B4GALT4: variants seen among roughly 807,000 people sequenced by gnomAD.
B4GALT4 encodes beta-1,4-galactosyltransferase 4.
B4GALT4 carries 27 observed loss-of-function variants against 37.3 expected under a neutral mutation model. The observed-to-expected ratio is 0.72, with a 90% CI of 0.53 to 1.00. The LOEUF is 1.00. B4GALT4 is among the 50% of genes least tolerant of loss of function. The pLI is 0.00. For missense variants in B4GALT4, 372 were observed against 413.1 expected (o/e 0.90, Z 0.86); for synonymous variants, 148 against 154.1 (o/e 0.96, Z 0.29).
rs12493956 is a variant in B4GALT4 at position 119,211,980 on chromosome 3, G to T, written c.*569C>A. The T allele has an allele frequency of 1.8e-6, 1 of 570,076 alleles. No individual in the cohort carries two copies. Among genetic ancestry groups the T allele is most frequent in the African/African-American group, 1.9e-5 (1 of 53,666 alleles). The allele number at this position is 570,076 out of a possible 1,614,324, so 35.3% of individuals were successfully genotyped here. A position where few individuals can be genotyped will look rare whatever the true frequency, so the allele number is the denominator to read the frequency against. On this transcript the variant is annotated 3_prime_UTR_variant, in exon 8 of 8. Transcript: ENST00000393765. ...CTCAGCTACTGCTGCCTTTGCAGCC[G>T]ACACTCCACCCTCCTGCTACCTCTT...
At position 119,212,480 on chromosome 3, in the gene B4GALT4, G is replaced by A; in HGVS notation, c.*69C>T. On this transcript the variant is annotated 3_prime_UTR_variant, in exon 8 of 8. Transcript: ENST00000393765. ...AGGTTCTTAATGTGTGCTACTATTT[G>A]AAGTCTCTAGGCCAAAATTATTGCA... 6.8e-7 allele frequency: 1 copy of A among 1,479,886 alleles called. No individual in the cohort carries two copies. Among genetic ancestry groups the A allele is most frequent in the Non-Finnish European group, 9.1e-7 (1 of 1,100,060 alleles). The allele number at this position is 1,479,886 out of a possible 1,614,324, so 91.7% of individuals were successfully genotyped here. A position where few individuals can be genotyped will look rare whatever the true frequency, so the allele number is the denominator to read the frequency against.
At chr3:119,224,334 A>T (rs1017086646) in intron 4 of B4GALT4, 89 bp from the exon 5 acceptor site, 14 of 915,308 alleles carry the variant, frequency 1.5e-5, no homozygotes, top group Non-Finnish European at 1.9e-5. Flanking sequence ...AGATGGTATT[A>T]TTCTAATTAT....
At chr3:119,213,277 A>G (rs1242704273) in intron 7 of B4GALT4, 2 of 152,342 alleles carry the variant, frequency 1.3e-5, no homozygotes, top group Non-Finnish European at 2.9e-5. Flanking sequence ...CACAGACGCA[A>G]AAGAGCAGGA....
chr3:119,229,739 T>C (rs2078748246), intron 3 of B4GALT4, 108 bp downstream of exon 3: 1 of 1,160,542 alleles, frequency 8.6e-7, no homozygotes, highest in Non-Finnish European at 1.2e-6. Flanking sequence ...ACACAGGAGA[T>C]ATATATATTT....
At chr3:119,225,569 T>TG (rs1262177499) in intron 4 of B4GALT4, among the ~76,000 whole-genome samples, 4 of 151,800 alleles carry the variant, frequency 2.6e-5, no homozygotes, top group Non-Finnish European at 2.9e-5. Context: ...ACTAATTTTT[T>TG]TTTTTTTTTT....
intron 4 of B4GALT4, 140 bp from the exon 5 acceptor site, chr3:119,224,385 G>C (rs1421685896): frequency 1.7e-6 from 1 of 579,552 alleles, no homozygotes; most frequent in African/African-American, 1.9e-5. Context: ...AGATCTGACA[G>C]AGAAGATGCA....
chr3:119,233,445 A>C (rs1203627034), intron 2 of B4GALT4, among the ~76,000 whole-genome samples: 1 of 152,144 alleles, frequency 6.6e-6, no homozygotes, highest in Admixed American at 6.5e-5. Flanking sequence ...ATGCAGACCA[A>C]AAATACAATA....
At chr3:119,238,603 T>C (rs1213175394) in intron 1 of B4GALT4, among the ~76,000 whole-genome samples, 1 of 152,204 alleles carries the variant, frequency 6.6e-6, no homozygotes, top group East Asian at 1.9e-4. Flanking sequence ...CAGCATATTG[T>C]AACTGTTCTA....
At chr3:119,238,712 T>C (rs1298951806) in intron 1 of B4GALT4, among the ~76,000 whole-genome samples, 1 of 152,176 alleles carries the variant, frequency 6.6e-6, no homozygotes, top group African/African-American at 2.4e-5. Context: ...TATATAGGGT[T>C]TGGCACTATC....
chr3:119,215,049 G>A (rs2078253199), intron 7 of B4GALT4: 1 of 152,180 alleles, frequency 6.6e-6, no homozygotes, highest in African/African-American at 2.4e-5. Context: ...CAGAAATGCA[G>A]AGAAATCCCA....
chr3:119,213,493 T>C (rs1054094444), intron 7 of B4GALT4: 7 of 152,292 alleles, frequency 4.6e-5, no homozygotes, highest in Non-Finnish European at 8.8e-5. Context: ...TTACATAAAG[T>C]TGAAAAACAT....
chr3:119,220,940 C>T (rs1453373334), intron 5 of B4GALT4, among the ~76,000 whole-genome samples: 2 of 151,010 alleles, frequency 1.3e-5, no homozygotes, highest in Admixed American at 1.3e-4. Flanking sequence ...GAGCCAAGAT[C>T]GCACCGCTGC....
rs2078184756 is a variant in B4GALT4, at chr3:119,212,476, A to G, written c.*73T>C. 6.9e-7 allele frequency: 1 copy of G among 1,456,964 alleles called. No individual in the cohort carries two copies. Among genetic ancestry groups the G allele is most frequent in the African/African-American group, 1.4e-5 (1 of 70,390 alleles). The allele number at this position is 1,456,964 out of a possible 1,614,324, so 90.3% of individuals were successfully genotyped here. On this transcript the variant is annotated 3_prime_UTR_variant, in exon 8 of 8. Coordinates refer to ENST00000393765, the MANE Select transcript of B4GALT4 (RefSeq NM_003778.4). ...TAACAGGTTCTTAATGTGTGCTACT[A>G]TTTGAAGTCTCTAGGCCAAAATTAT...
intron 3 of B4GALT4, among the ~76,000 whole-genome samples, chr3:119,229,409 C>A (rs4568126): frequency 0.37 from 56,769 of 152,160 alleles, 11,307 homozygotes; most frequent in Non-Finnish European, 0.43. Context: ...CATAGCTGCA[C>A]GCAACCATAA....
At chr3:119,224,343 A>C (rs1211526536) in intron 4 of B4GALT4, 98 bp from the exon 5 acceptor site, 1 of 852,068 alleles carries the variant, frequency 1.2e-6, no homozygotes, top group Non-Finnish European at 1.7e-6. Context: ...TATTCTAATT[A>C]TTCTACGCAC....
chr3:119,239,203 G>C (rs993058771), intron 1 of B4GALT4, among the ~76,000 whole-genome samples: 2 of 151,852 alleles, frequency 1.3e-5, no homozygotes, highest in African/African-American at 4.8e-5. Context: ...GCCTGGGCCT[G>C]TAGTCCCAGC....
chr3:119,239,692 C>T (rs532116102), intron 1 of B4GALT4, among the ~76,000 whole-genome samples: 15 of 152,268 alleles, frequency 9.9e-5, no homozygotes, highest in Non-Finnish European at 1.6e-4. Context: ...TTTTTCACAA[C>T]GTATGTTTTC....
chr3:119,237,875 A>G (rs2079029524), intron 1 of B4GALT4, among the ~76,000 whole-genome samples: 1 of 152,238 alleles, frequency 6.6e-6, no homozygotes, highest in South Asian at 2.1e-4. Context: ...ATTATAATAC[A>G]TCCATATGAT....
At chr3:119,220,421 A>C (rs575392341) in intron 5 of B4GALT4, among the ~76,000 whole-genome samples, 1 of 152,396 alleles carries the variant, frequency 6.6e-6, no homozygotes, top group African/African-American at 2.4e-5. Context: ...CGCCATGTGC[A>C]AGACGGCTGG....
Sources: allele counts gnomAD v4.1 joint callset (sites outside exome capture counted in the v4.1 genomes callset), GRCh38; gene constraint gnomAD v4.1.1; transcripts MANE v1.5; gene names NCBI Gene and HGNC (gene_info 2026-07-23, HGNC 2026-07-21).